Variants in ABCC8 observed in about 807,000 individuals in gnomAD.
ABCC8 encodes ATP binding cassette subfamily C member 8.
Under a neutral mutation model 188.0 loss-of-function variants are expected in ABCC8, and 137 were observed. The ratio of observed to expected loss-of-function variants is 0.73; its 90% CI spans 0.63 to 0.84. ABCC8 has a LOEUF of 0.84. Among genes scored for constraint, ABCC8 ranks in the 40% least tolerant of loss-of-function variants. The probability of loss-of-function intolerance (pLI) is 0.00; values close to 1 mark genes in which losing one functional copy is unlikely to be tolerated. For synonymous variants in ABCC8, 797 were observed against 846.5 expected (o/e 0.94, Z 1.01); for missense variants, 1,750 against 2,072.7 (o/e 0.84, Z 3.02).
chr11:17,462,271 G>T (rs1230922390), intron 4 of ABCC8, among the ~76,000 whole-genome samples: 3 of 152,190 alleles, frequency 2.0e-5, no homozygotes, highest in African/African-American at 7.2e-5. Flanking sequence ...CTATAAAGGG[G>T]ATGGTGCTTG....
chr11:17,405,764 T>A (rs751052549), intron 26 of ABCC8: 5 of 623,188 alleles, frequency 8.0e-6, no homozygotes, highest in Non-Finnish European at 1.0e-5. Context: ...TTCGTTAGCC[T>A]TTCAGTTTCT....
At chr11:17,452,714 A>C (rs1302154140) in intron 7 of ABCC8, among the ~76,000 whole-genome samples, 1 of 152,196 alleles carries the variant, frequency 6.6e-6, no homozygotes, top group Non-Finnish European at 1.5e-5. Flanking sequence ...TGTCAAGCAC[A>C]TTCCTTTTTT....
chr11:17,466,421 A>G (rs1443394044), intron 3 of ABCC8, among the ~76,000 whole-genome samples: 1 of 147,692 alleles, frequency 6.8e-6, no homozygotes, highest in Non-Finnish European at 1.5e-5. Context: ...AAAAAAAAAG[A>G]CAGTGCATGA....
In ABCC8 at chr11:17,396,954, GCA is replaced by G; in HGVS notation, c.4079_4080del (p.Val1360AlafsTer45). 6.2e-7 allele frequency: 1 copy of G among 1,614,212 alleles called. No individual in the cohort carries two copies. Among genetic ancestry groups the G allele is most frequent in the African/African-American group, 1.3e-5 (1 of 75,068 alleles). On this transcript the variant is annotated frameshift_variant, in exon 33 of 39. Transcript: ENST00000389817. LOFTEE classifies it high-confidence loss of function. ...SVRYDSSLKP[V>X]LKHVNALIAP... is the part of the protein sequence containing the mutation. ...GCGATGAGGGCATTGACGTGCTTCA[GCA>G]CCGGCTTCAGGGAGCTGTCGTAGCG...
chr11:17,402,200 C>T (rs1256889480), intron 29 of ABCC8, among the ~76,000 whole-genome samples: 1 of 152,198 alleles, frequency 6.6e-6, no homozygotes, highest in Non-Finnish European at 1.5e-5. Flanking sequence ...TAGAACGTCT[C>T]TGTGCCTCAG....
intron 8 of ABCC8, among the ~76,000 whole-genome samples, chr11:17,445,206 G>T (rs1483432312): frequency 6.6e-6 from 1 of 152,224 alleles, no homozygotes; most frequent in African/African-American, 2.4e-5. Context: ...TGTCAGGGGG[G>T]CACCCATGAA....
chr11:17,416,805 C>G (rs1488399137), intron 17 of ABCC8, 125 bp downstream of exon 17: 5 of 1,439,262 alleles, frequency 3.5e-6, no homozygotes, highest in Non-Finnish European at 4.8e-6. Context: ...CCCCATGTCT[C>G]TGAAAATATG....
intron 34 of ABCC8, 63 bp downstream of exon 34, chr11:17,395,789 G>T: frequency 1.3e-6 from 2 of 1,553,668 alleles, no homozygotes; most frequent in Non-Finnish European, 1.7e-6. Context: ...CTGACCACGT[G>T]CCAGGGCTGA....
chr11:17,401,024 G>C (rs973842175), intron 29 of ABCC8, among the ~76,000 whole-genome samples: 1 of 152,180 alleles, frequency 6.6e-6, no homozygotes, highest in African/African-American at 2.4e-5. Flanking sequence ...GACCTCACTG[G>C]GTAGCAGTGG....
intron 36 of ABCC8, among the ~76,000 whole-genome samples, chr11:17,394,678 G>T (rs1037040010): frequency 6.6e-6 from 1 of 152,186 alleles, no homozygotes; most frequent in Non-Finnish European, 1.5e-5. Context: ...GGTGCACTGA[G>T]TGTGTATGTA....
intron 29 of ABCC8, among the ~76,000 whole-genome samples, chr11:17,399,807 T>C (rs1243592428): frequency 6.6e-6 from 1 of 152,208 alleles, no homozygotes; most frequent in South Asian, 2.1e-4. Context: ...CTGAAATTGA[T>C]GGAATCTCTC....
At chr11:17,462,117 T>A (rs1384204343) in intron 4 of ABCC8, among the ~76,000 whole-genome samples, 1 of 152,188 alleles carries the variant, frequency 6.6e-6, no homozygotes, top group African/African-American at 2.4e-5. Context: ...TCATATGCTA[T>A]CTTCTCCACA....
intron 8 of ABCC8, among the ~76,000 whole-genome samples, chr11:17,445,848 C>T (rs1429599865): frequency 6.6e-6 from 1 of 152,030 alleles, no homozygotes; most frequent in African/African-American, 2.4e-5. Context: ...CAGGGCCAGG[C>T]ATAGGGCAAG....
At chr11:17,411,462 A>G (rs1196048912) in intron 21 of ABCC8, among the ~76,000 whole-genome samples, 1 of 152,262 alleles carries the variant, frequency 6.6e-6, no homozygotes, top group Non-Finnish European at 1.5e-5. Context: ...TCAGACGGTA[A>G]CGGAGACTGA....
rs1323111588 is a variant in ABCC8 at position 17,405,499 on chromosome 11, C to T, written c.3394G>A (p.Asp1132Asn). 1.2e-6 allele frequency: 2 copies of T among 1,614,044 alleles called. No homozygotes were observed. Among genetic ancestry groups the T allele is most frequent in the Non-Finnish European group, 1.7e-6 (2 of 1,180,040 alleles). The stretch of plus-strand genomic sequence containing the variant: ...TGTGGCACGGTCCTCTGTACCTGGT[C>T]GATGGTGTTACAGTCAGATGAAAAT... ...NRFSSDCNTI[D>N]QHIPSTLECL... Residue 1132 changes from aspartate to asparagine, a missense_variant, in exon 27 of 39, where the codon GAC (aspartate) becomes AAC (asparagine). Coordinates refer to ENST00000389817, the MANE Select transcript of ABCC8 (RefSeq NM_000352.6).
intron 16 of ABCC8, among the ~76,000 whole-genome samples, chr11:17,418,942 G>A (rs926290714): frequency 1.3e-5 from 2 of 152,198 alleles, no homozygotes; most frequent in Non-Finnish European, 2.9e-5. Flanking sequence ...ACTGTGCACT[G>A]TGAGAAGTTG....
At position 17,476,789 on chromosome 11, in the gene ABCC8, GCGGGCTGGGCT is replaced by G; in HGVS notation, c.-24_-14del. ...AGGCCAGGGGCATGGCGGCGCGGGC[GCGGGCTGGGCT>G]CGGGCTCAGCTGGCTCCGCTGGCTC... On this transcript the variant is annotated 5_prime_UTR_variant, in exon 1 of 39. Coordinates refer to ENST00000389817, the MANE Select transcript of ABCC8 (RefSeq NM_000352.6). The G allele has an allele frequency of 1.3e-6, 2 of 1,541,254 alleles. No individual in the cohort carries two copies. The highest frequency in any genetic ancestry group is 1.7e-6 in the Non-Finnish European group (2 of 1,143,744).
chr11:17,404,617 G>T lies in ABCC8; in HGVS notation c.3452C>A (p.Ser1151Ter). 1 of 1,613,792 alleles carries T rather than the reference G, an allele frequency of 6.2e-7. No homozygotes were observed. Among genetic ancestry groups the T allele is most frequent in the Non-Finnish European group, 8.5e-7 (1 of 1,179,964 alleles). Residue 1151 changes from serine (S) to a stop codon, truncating the protein, a stop_gained, in exon 28 of 39, where the codon TCA (serine) becomes TAA (stop). Transcript: ENST00000389817. LOFTEE classifies it high-confidence loss of function. This position sits in a 1 kb window ranked among gnomAD's most constrained non-coding sequence, Gnocchi z 4.7. ...GACATAGGAGATGACGGCCAGGGCT[G>T]AGACACAGAGCAGGGTGGAGCGGCT... The part of the protein sequence containing the change: ...CLSRSTLLCV[S>*]ALAVISYVTP...
chr11:17,463,294 C>T (rs1847937602), intron 4 of ABCC8, 144 bp downstream of exon 4: 1 of 711,356 alleles, frequency 1.4e-6, no homozygotes, highest in Non-Finnish European at 2.4e-6. Flanking sequence ...CCGCCACGGC[C>T]CCACTCCCCT....
Sources: gnomAD v4.1 joint callset for allele counts (sites outside exome capture counted in the v4.1 genomes callset) on GRCh38, gnomAD v4.1.1 for gene constraint, Gnocchi (gnomAD v3.1) non-coding constraint, MANE v1.5 for transcripts, NCBI Gene and HGNC (gene_info 2026-07-23, HGNC 2026-07-21) for gene names.